NDST1: variants seen among roughly 807,000 people sequenced by gnomAD.
NDST1 encodes N-deacetylase and N-sulfotransferase 1.
NDST1 carries 35 observed loss-of-function variants against 92.8 expected under a neutral mutation model. That is an observed-to-expected ratio of 0.38 (90% CI 0.29 to 0.50). NDST1 has a LOEUF of 0.50. Ranked by LOEUF, NDST1 falls within the 20% of genes least tolerant of loss-of-function variation. NDST1 has a pLI of 0.94. For missense variants in NDST1, 822 were observed against 1,182.7 expected, an observed-to-expected ratio of 0.69 and a Z score of 4.47; for synonymous variants, 493 against 500.3, an observed-to-expected ratio of 0.99 and a Z score of 0.19.
upstream of NDST1, among the ~76,000 whole-genome samples, chr5:150,507,266 CT>C (rs377397910): frequency 0.036 from 5,198 of 146,240 alleles, 372 homozygotes; most frequent in Admixed American, 0.17. Flanking sequence ...ATAAACATAC[CT>C]TTTTTTTTTT....
rs994653072 is a variant in NDST1 at position 150,557,213 on chromosome 5, C to G, written c.*3881C>G. On this transcript the variant is annotated 3_prime_UTR_variant, in exon 15 of 15. Transcript: ENST00000261797. The surrounding 1 kb of genome is among the most constrained non-coding windows in gnomAD (Gnocchi z 4.7). Reference sequence around the variant, plus strand: ...GCCGGAAAGTCTCCCTGGAGAAGGCCGTAATATCTGGGCCTTGGAAGGAAG... The same window carrying G: ...GCCGGAAAGTCTCCCTGGAGAAGGCGGTAATATCTGGGCCTTGGAAGGAAG... 6.6e-6 allele frequency: 1 copy of G among 152,590 alleles called. No individual in the cohort carries two copies. The highest frequency in any genetic ancestry group is 1.5e-5 in the Non-Finnish European group (1 of 68,170). The allele number at this position is 152,590 out of a possible 1,614,324, so 9.5% of individuals were successfully genotyped here.
chr5:150,539,425 A>G (rs747858510), intron 7 of NDST1, 69 bp downstream of exon 7: 1 of 1,610,276 alleles, frequency 6.2e-7, no homozygotes, highest in Admixed American at 1.7e-5. Flanking sequence ...CAGCTGACAC[A>G]GGCTTCCTGG....
chr5:150,530,963 G>A (rs1862213), intron 3 of NDST1, among the ~76,000 whole-genome samples: 47,703 of 152,048 alleles, frequency 0.31, 8,804 homozygotes, highest in Non-Finnish European at 0.4. Flanking sequence ...AATACAAATA[G>A]AGGCACCCTC....
Position 150,548,280 on chromosome 5 carries a change from C to T in NDST1, c.2208C>T (p.Ala736=), listed in dbSNP as rs201043334. The T allele has an allele frequency of 9.9e-5, 159 of 1,614,166 alleles. No homozygotes were observed. The highest frequency in any genetic ancestry group is 1.3e-4 in the Non-Finnish European group (157 of 1,180,046). Reference sequence around the variant, plus strand: ...ACACCTTCCATGAGGTGATTACCGCCGGCTCTGACGCATCCTCGAAGCTGC... The same window carrying T: ...ACACCTTCCATGAGGTGATTACCGCTGGCTCTGACGCATCCTCGAAGCTGC... ...LKYTFHEVIT[A]GSDASSKLRA... is the part of the protein sequence containing the mutation. The change falls in exon 12 of 15, where the codon GCC becomes GCT. Residue 736 remains alanine (A), a synonymous_variant. Transcript: ENST00000261797.
intron 5 of NDST1, 122 bp downstream of exon 5, chr5:150,535,143 C>A: frequency 7.0e-7 from 1 of 1,432,686 alleles, no homozygotes; most frequent in South Asian, 1.3e-5. Flanking sequence ...CACCTCTGGG[C>A]CAGGGCCAAG....
At chr5:150,552,022 G>T in intron 14 of NDST1, 167 bp downstream of exon 14, 5 of 705,282 alleles carry the variant, frequency 7.1e-6, no homozygotes, top group Non-Finnish European at 8.7e-6. Context: ...GGACATGGTG[G>T]GTCAGACCTG....
upstream of NDST1, among the ~76,000 whole-genome samples, chr5:150,507,268 T>G (rs1188861037): frequency 7.2e-6 from 1 of 138,116 alleles, no homozygotes; most frequent in Non-Finnish European, 1.5e-5. Context: ...AAACATACCT[T>G]TTTTTTTTTT....
intron 10 of NDST1, among the ~76,000 whole-genome samples, chr5:150,544,073 G>A (rs1414636629): frequency 1.3e-5 from 2 of 152,166 alleles, no homozygotes; most frequent in African/African-American, 4.8e-5. Flanking sequence ...CACTGCGCCC[G>A]GCCCATCTAC....
intron 6 of NDST1, among the ~76,000 whole-genome samples, chr5:150,536,219 C>T (rs993502457): frequency 2.6e-5 from 4 of 152,140 alleles, no homozygotes; most frequent in African/African-American, 9.7e-5. Flanking sequence ...GGCCTGATGG[C>T]TCACACCTGT....
Position 150,541,593 on chromosome 5 carries a change from C to G in NDST1, c.1773C>G (p.His591Gln). 6.2e-7 allele frequency: 1 copy of G among 1,614,214 alleles called. No homozygotes were observed. The highest frequency in any genetic ancestry group is 1.1e-5 in the South Asian group (1 of 91,090). Residue 591 changes from histidine (H) to glutamine (Q), a missense_variant, in exon 9 of 15, where the codon CAC becomes CAG. His to Gln is a conservative substitution (Grantham distance 24, BLOSUM62 0). Transcript: ENST00000261797. ...AGGACCCCTGCGAGGACAAACGTCACAAAGACATCTGGTCCAAGGAGAAGA... is the reference window on the plus strand; with the variant it reads ...AGGACCCCTGCGAGGACAAACGTCAGAAAGACATCTGGTCCAAGGAGAAGA... ...LWQDPCEDKR[H>Q]KDIWSKEKTC...
chr5:150,522,710 T>A (rs894539349), intron 2 of NDST1, among the ~76,000 whole-genome samples: 61 of 151,866 alleles, frequency 4.0e-4, no homozygotes, highest in African/African-American at 1.4e-3. Context: ...AGTGAGCAAA[T>A]AAACACAGGA....
chr5:150,507,853 C>T (rs994105215), upstream of NDST1, among the ~76,000 whole-genome samples: 1 of 152,198 alleles, frequency 6.6e-6, no homozygotes, highest in African/African-American at 2.4e-5. Context: ...CATGCTTTTT[C>T]CTTTCCCGTG....
At chr5:150,535,156 A>G in intron 5 of NDST1, 135 bp downstream of exon 5, 1 of 1,369,512 alleles carries the variant, frequency 7.3e-7, no homozygotes. Context: ...GGGCCAAGGG[A>G]GAGCTGCCTT....
At chr5:150,530,813 G>T (rs1240873795) in intron 3 of NDST1, among the ~76,000 whole-genome samples, 1 of 152,066 alleles carries the variant, frequency 6.6e-6, no homozygotes, top group African/African-American at 2.4e-5. Context: ...ACCCACCTTG[G>T]CCTCCCAAAG....
chr5:150,529,262 T>C (rs973856306), intron 3 of NDST1, among the ~76,000 whole-genome samples: 1 of 151,862 alleles, frequency 6.6e-6, no homozygotes, highest in South Asian at 2.1e-4. Flanking sequence ...GTGGTGGTAG[T>C]AGTCCTGTAG....
In NDST1 at chr5:150,556,511, T is replaced by C. The variant is rs1755872724; in HGVS notation, c.*3179T>C. 6.6e-6 allele frequency: 1 copy of C among 152,212 alleles called. No individual in the cohort carries two copies. The allele number at this position is 152,212 out of a possible 1,614,324, so 9.4% of individuals were successfully genotyped here. A position where few individuals can be genotyped will look rare whatever the true frequency, so the allele number is the denominator to read the frequency against. ...TTAGTGGGAAAAGCAAATACAACAA[T>C]GTTTTACCAAACATTTAATTATGAA... On this transcript the variant is annotated 3_prime_UTR_variant, in exon 15 of 15. Transcript: ENST00000261797.
rs77072192 is a variant in NDST1, at chr5:150,544,641, C to A, written c.1971-671C>A. 5.0e-3 allele frequency among the ~76,000 whole-genome samples: 764 copies of A among 152,308 alleles called. 5 individuals carry two copies. The highest frequency in any genetic ancestry group is 0.017 in the African/African-American group (725 of 41,554). ...TTCCCACAAGCCCCAGAAGTTGGAC[C>A]CTGAGTTTGCATAGGTAGATTCCCC... is the stretch of plus-strand genomic sequence containing the variant. On this transcript the variant is annotated intron_variant, in intron 10 of 14. Coordinates refer to ENST00000261797, the MANE Select transcript of NDST1 (RefSeq NM_001543.5).
chr5:150,553,729 C>T lies in NDST1; in HGVS notation c.*397C>T, dbSNP rs567571569. On this transcript the variant is annotated 3_prime_UTR_variant, in exon 15 of 15. Coordinates refer to ENST00000261797, the MANE Select transcript of NDST1 (RefSeq NM_001543.5). The surrounding 1 kb of genome is among the most constrained non-coding windows in gnomAD (Gnocchi z 4.2). Reference sequence around the variant, plus strand: ...TTCGCTGCCATATGTCCCTGTCCTCCAGGCTGTAGGGGAGGAGAGCCTGGC... The same window carrying T: ...TTCGCTGCCATATGTCCCTGTCCTCTAGGCTGTAGGGGAGGAGAGCCTGGC... 94 of 417,370 alleles carry T rather than the reference C, an allele frequency of 2.3e-4. No individual in the cohort carries two copies. The highest frequency in any genetic ancestry group is 1.6e-3 in the African/African-American group (79 of 49,736). The allele number at this position is 417,370 out of a possible 1,614,324, so 25.9% of individuals were successfully genotyped here.
rs1755244532 is a variant in NDST1 at position 150,541,476 on chromosome 5, C to T, written c.1750-94C>T. ...CACATGTAGCATGTAGGTATCATGC[C>T]CATTGGGCTGTAAGGGCCACATATC... On this transcript the variant is annotated intron_variant, in intron 8 of 14. Transcript: ENST00000261797. 5.7e-6 allele frequency: 6 copies of T among 1,058,612 alleles called. No homozygotes were observed. The South Asian group carries it at 7.6e-5, about 13-fold the overall frequency. 65.6% of individuals were successfully genotyped at this position (1,058,612 alleles called of 1,614,324 possible).
Sources: gnomAD v4.1 joint callset for allele counts (sites outside exome capture counted in the v4.1 genomes callset) on GRCh38, gnomAD v4.1.1 for gene constraint, Gnocchi (gnomAD v3.1) non-coding constraint, MANE v1.5 for transcripts, NCBI Gene and HGNC (gene_info 2026-07-23, HGNC 2026-07-21) for gene names.